ZNF385D: variants seen among roughly 807,000 people sequenced by gnomAD.
ZNF385D encodes the protein zinc finger protein 385D.
In ZNF385D, 15 loss-of-function variants were observed where a neutral mutation model predicts 35.8. The ratio of observed to expected loss-of-function variants is 0.42; its 90% CI spans 0.28 to 0.64. ZNF385D has a LOEUF of 0.64. ZNF385D is among the 30% of genes least tolerant of loss of function. The probability of loss-of-function intolerance (pLI) is 0.23; values close to 1 mark genes in which losing one functional copy is unlikely to be tolerated. For missense variants in ZNF385D, 474 were observed against 494.6 expected, an observed-to-expected ratio of 0.96 and a Z score of 0.39; for synonymous variants, 212 against 186.8, an observed-to-expected ratio of 1.13 and a Z score of -1.10.
chr3:22,257,491 C>A (rs1476176347), intron 2 of ZNF385D, among the ~76,000 whole-genome samples: 1 of 151,798 alleles, frequency 6.6e-6, no homozygotes, highest in Non-Finnish European at 1.5e-5. Flanking sequence ...TCCTCCTCTA[C>A]TCTGCATTAT....
At chr3:22,255,511 C>G (rs924514206) in intron 2 of ZNF385D, among the ~76,000 whole-genome samples, 4 of 151,636 alleles carry the variant, frequency 2.6e-5, no homozygotes, top group African/African-American at 9.7e-5. Flanking sequence ...TTCAATTATT[C>G]CCATTCAAAA....
At chr3:21,973,932 A>G (rs1443122837) in intron 3 of ZNF385D, among the ~76,000 whole-genome samples, 1 of 152,044 alleles carries the variant, frequency 6.6e-6, no homozygotes, top group Admixed American at 6.6e-5. Flanking sequence ...AGGTCAAAAA[A>G]ATGAAAAGGT....
At chr3:21,630,038 T>C (rs1037196164) in intron 2 of ZNF385D, among the ~76,000 whole-genome samples, 5 of 152,074 alleles carry the variant, frequency 3.3e-5, no homozygotes, top group African/African-American at 9.7e-5. Flanking sequence ...CTCCCAATCA[T>C]CCTATGAAGT....
intron 2 of ZNF385D, among the ~76,000 whole-genome samples, chr3:22,237,195 CT>C (rs34524822): frequency 0.82 from 124,893 of 151,554 alleles, 51,508 homozygotes; most frequent in East Asian, 0.91. Flanking sequence ...AGTTAATATC[CT>C]TTTTTTTTTA....
chr3:22,239,156 G>T (rs954977572), intron 2 of ZNF385D, among the ~76,000 whole-genome samples: 3 of 150,994 alleles, frequency 2.0e-5, no homozygotes, highest in African/African-American at 7.4e-5. Flanking sequence ...TTTAAACTAA[G>T]TTCTGCTTTT....
At chr3:21,423,456 T>C (rs1700836419) in intron 7 of ZNF385D, among the ~76,000 whole-genome samples, 1 of 152,176 alleles carries the variant, frequency 6.6e-6, no homozygotes, top group Admixed American at 6.5e-5. Flanking sequence ...TACCTGTTCA[T>C]CAATATTCAT....
intron 3 of ZNF385D, among the ~76,000 whole-genome samples, chr3:22,092,119 G>T (rs576614906): frequency 6.6e-6 from 1 of 152,214 alleles, no homozygotes; most frequent in African/African-American, 2.4e-5. Context: ...GTAACCAAAG[G>T]CATGCACTGT....
At chr3:21,714,101 G>C (rs1053402505) in intron 1 of ZNF385D, among the ~76,000 whole-genome samples, 1 of 152,096 alleles carries the variant, frequency 6.6e-6, no homozygotes, top group Non-Finnish European at 1.5e-5. Flanking sequence ...TTAAATCTGT[G>C]CCTACTCCTG....
At chr3:22,309,690 T>C (rs1438566582) in intron 2 of ZNF385D, among the ~76,000 whole-genome samples, 1 of 152,060 alleles carries the variant, frequency 6.6e-6, no homozygotes, top group African/African-American at 2.4e-5. Context: ...AAACTCACTT[T>C]TGAATTATGT....
chr3:21,984,776 T>C (rs1576084710), intron 3 of ZNF385D, among the ~76,000 whole-genome samples: 2 of 120,310 alleles, frequency 1.7e-5, no homozygotes, highest in Admixed American at 8.1e-5. Flanking sequence ...ATTTTCACGA[T>C]ATTGATTCTT....
chr3:22,294,429 A>G (rs1702462220), intron 2 of ZNF385D, among the ~76,000 whole-genome samples: 1 of 152,122 alleles, frequency 6.6e-6, no homozygotes, highest in Admixed American at 6.6e-5. Context: ...TTAATATGTT[A>G]TAATAGATGT....
intron 2 of ZNF385D, among the ~76,000 whole-genome samples, chr3:22,176,907 A>T (rs1399687504): frequency 1.3e-5 from 2 of 152,228 alleles, no homozygotes; most frequent in Non-Finnish European, 2.9e-5. Flanking sequence ...TAAATAATAG[A>T]TCAGATATGT....
Position 21,763,843 on chromosome 3 carries a change from T to A in ZNF385D, c.326-98815A>T, listed in dbSNP as rs529105371. Among the ~76,000 whole-genome samples the A allele has an allele frequency of 1.2e-4, 19 of 152,320 alleles. No homozygotes were observed. In the South Asian group the frequency reaches 3.7e-3, roughly 30 times the overall value. Reference sequence around the variant, plus strand: ...CTGCTTTCAAGTCCAACACTTAATTTGGAAGACATTAAAATGTTTTCATTA... The same window carrying A: ...CTGCTTTCAAGTCCAACACTTAATTAGGAAGACATTAAAATGTTTTCATTA... On this transcript the variant is annotated intron_variant, in intron 3 of 5. Transcript: ENST00000494108.
intron 2 of ZNF385D, among the ~76,000 whole-genome samples, chr3:22,308,304 A>C (rs1575087753): frequency 6.6e-6 from 1 of 152,102 alleles, no homozygotes; most frequent in Non-Finnish European, 1.5e-5. Context: ...CCTTTTCTTC[A>C]TATGAAATCC....
At chr3:21,958,293 T>C (rs540278888) in intron 3 of ZNF385D, among the ~76,000 whole-genome samples, 9 of 152,158 alleles carry the variant, frequency 5.9e-5, no homozygotes, top group Admixed American at 5.2e-4. Flanking sequence ...AGATTGACAA[T>C]AGAGGTCAGG....
At chr3:21,696,523 A>C (rs1420214645) in intron 1 of ZNF385D, among the ~76,000 whole-genome samples, 1 of 152,210 alleles carries the variant, frequency 6.6e-6, no homozygotes, top group East Asian at 1.9e-4. Context: ...CCCAGGCAGT[A>C]AATTCAGCTA....
intron 3 of ZNF385D, among the ~76,000 whole-genome samples, chr3:21,994,454 T>G (rs1435672006): frequency 6.6e-6 from 1 of 152,244 alleles, no homozygotes; most frequent in Non-Finnish European, 1.5e-5. Flanking sequence ...CTGAATTATT[T>G]ATGTTGTTTA....
chr3:22,311,893 C>A (rs967615148), intron 2 of ZNF385D, among the ~76,000 whole-genome samples: 7 of 152,096 alleles, frequency 4.6e-5, no homozygotes, highest in Non-Finnish European at 1.0e-4. Flanking sequence ...TGTCAAGTGG[C>A]ATACTTGCCT....
intron 2 of ZNF385D, among the ~76,000 whole-genome samples, chr3:21,612,731 T>G (rs746872273): frequency 1.3e-5 from 2 of 152,226 alleles, no homozygotes; most frequent in Non-Finnish European, 2.9e-5. Context: ...TAAAAAGCCA[T>G]GTGTCCAAAT....
Sources: allele counts gnomAD v4.1 joint callset (sites outside exome capture counted in the v4.1 genomes callset), GRCh38; gene constraint gnomAD v4.1.1; transcripts MANE v1.5; gene names NCBI Gene and HGNC (gene_info 2026-07-23, HGNC 2026-07-21).